The following ING3 variants were observed in gnomAD, a reference collection of about 807,000 sequenced individuals.
The protein encoded by ING3 is inhibitor of growth protein 3.
A neutral mutation model predicts 64.8 loss-of-function variants in ING3; 6 were observed. The observed-to-expected ratio is 0.09, with a 90% CI of 0.05 to 0.18. The LOEUF (loss-of-function observed/expected upper bound fraction) is 0.18, where lower values mean the gene tolerates loss of function less well. ING3 is among the 10% of genes least tolerant of loss of function. The pLI is 1.00. For synonymous variants in ING3, 170 were observed against 173.7 expected (o/e 0.98, Z 0.17); for missense variants, 310 against 489.7 (o/e 0.63, Z 3.46).
intron 6 of ING3, among the ~76,000 whole-genome samples, 162 bp downstream of exon 6, chr7:120,966,859 G>A (rs1796003328): frequency 6.6e-6 from 1 of 151,910 alleles, no homozygotes; most frequent in African/African-American, 2.4e-5. Context: ...CTTGGGGGGA[G>A]CATATGTGAT....
chr7:120,964,583 T>G (rs1419881605), intron 4 of ING3, among the ~76,000 whole-genome samples, 159 bp from the exon 5 acceptor site: 1 of 152,202 alleles, frequency 6.6e-6, no homozygotes, highest in Non-Finnish European at 1.5e-5. Context: ...AACACCCTCA[T>G]TTTATAGATT....
rs1355592454 is a variant in ING3, at chr7:120,950,794, C to A, written c.-103C>A. The A allele has an allele frequency of 2.2e-6, 1 of 462,118 alleles. No homozygotes were observed. Among genetic ancestry groups the A allele is most frequent in the Non-Finnish European group, 3.7e-6 (1 of 271,146 alleles). The allele number at this position is 462,118 out of a possible 1,614,324, so 28.6% of individuals were successfully genotyped here. A position where few individuals can be genotyped will look rare whatever the true frequency, so the allele number is the denominator to read the frequency against. On this transcript the variant is annotated 5_prime_UTR_variant, in exon 1 of 12. The change creates a new upstream start codon in the 5' untranslated region. Transcript: ENST00000315870. Reference sequence around the variant, plus strand: ...TTTTTTTGCCGGAGTCGAGCGGGTGCTGCTAGCGGAGGCGCCATATTGGAG... The same window carrying A: ...TTTTTTTGCCGGAGTCGAGCGGGTGATGCTAGCGGAGGCGCCATATTGGAG...
chr7:120,954,107 C>G (rs1795808123), intron 3 of ING3, among the ~76,000 whole-genome samples: 1 of 152,064 alleles, frequency 6.6e-6, no homozygotes. Flanking sequence ...CCTTCCTAAA[C>G]CCAATGTTCA....
At chr7:120,951,277 C>G in intron 2 of ING3, 42 bp downstream of exon 2, 2 of 1,581,624 alleles carry the variant, frequency 1.3e-6, no homozygotes, top group Non-Finnish European at 8.7e-7. Context: ...TGCGCGCGTT[C>G]AGTGCCAGAC....
rs746860231 is a variant in ING3 at position 120,973,199 on chromosome 7, A to G, written c.1102-6A>G. 8.0e-6 allele frequency: 12 copies of G among 1,493,546 alleles called. No individual in the cohort carries two copies. The highest frequency in any genetic ancestry group is 9.3e-6 in the Non-Finnish European group (10 of 1,073,518). The allele number at this position is 1,493,546 out of a possible 1,614,324, so 92.5% of individuals were successfully genotyped here. ...ATAATAAAGACATTTAATTTTTTTT[A>G]ACTAGGTATCTTATGGTGAGATGGT... On this transcript the variant is annotated splice_region_variant and splice_polypyrimidine_tract_variant and intron_variant, in intron 10 of 11. Transcript: ENST00000315870.
intron 4 of ING3, chr7:120,956,121 A>G (rs1390004681): frequency 7.2e-7 from 1 of 1,396,044 alleles, no homozygotes. Context: ...TTTAAGCAAT[A>G]CAAGATGACA....
intron 4 of ING3, chr7:120,956,771 T>C (rs1795854324): frequency 1.0e-5 from 10 of 974,016 alleles, no homozygotes; most frequent in Non-Finnish European, 1.1e-5. Flanking sequence ...GAATCTAGAC[T>C]AATTTGTTTA....
chr7:120,958,157 A>G (rs900527375), intron 4 of ING3, among the ~76,000 whole-genome samples: 2 of 131,396 alleles, frequency 1.5e-5, no homozygotes, highest in African/African-American at 5.8e-5. Flanking sequence ...TTCTTCCCCC[A>G]CCCTTTCTTT....
chr7:120,957,066 T>A (rs190372582), intron 4 of ING3: 312 of 194,804 alleles, frequency 1.6e-3, no homozygotes, highest in Non-Finnish European at 2.4e-3. Flanking sequence ...CTGGGTCTAA[T>A]GGAGGAATAA....
At chr7:120,966,767 T>A in intron 6 of ING3, 70 bp downstream of exon 6, 1 of 1,076,830 alleles carries the variant, frequency 9.3e-7, no homozygotes, top group Middle Eastern at 2.0e-4. Flanking sequence ...ATATGTTCTC[T>A]TTTTTTAACT....
chr7:120,951,727 T>C (rs1795768984), intron 2 of ING3, among the ~76,000 whole-genome samples: 1 of 152,214 alleles, frequency 6.6e-6, no homozygotes, highest in African/African-American at 2.4e-5. Flanking sequence ...AGTTACACAT[T>C]AGATACATTT....
chr7:120,974,558 T>A (rs1796110971), intron 11 of ING3, among the ~76,000 whole-genome samples, 170 bp from the exon 12 acceptor site: 1 of 152,200 alleles, frequency 6.6e-6, no homozygotes, highest in Non-Finnish European at 1.5e-5. Context: ...TTCCTGAAGC[T>A]TATCATTTAG....
intron 11 of ING3, among the ~76,000 whole-genome samples, 181 bp downstream of exon 11, chr7:120,973,424 C>G (rs999216896): frequency 2.0e-5 from 3 of 152,024 alleles, no homozygotes; most frequent in Non-Finnish European, 4.4e-5. Flanking sequence ...AATGTGTTCC[C>G]TATTTTAATT....
rs1796064387 is a variant in ING3 at position 120,971,045 on chromosome 7, A to C, written c.1101+165A>C. ...GTGACATTTGCTGTAAATACTGAGT[A>C]TAAAGAAAAATGTTACCCATAATCC... On this transcript the variant is annotated intron_variant, in intron 10 of 11. Transcript: ENST00000315870. 1.0e-5 allele frequency: 8 copies of C among 772,632 alleles called. No individual in the cohort carries two copies. In the East Asian group the frequency reaches 1.9e-4, roughly 18 times the overall value. The allele number at this position is 772,632 out of a possible 1,614,324, so 47.9% of individuals were successfully genotyped here.
At chr7:120,957,408 T>A (rs769266343) in intron 4 of ING3, among the ~76,000 whole-genome samples, 2 of 151,828 alleles carry the variant, frequency 1.3e-5, no homozygotes, top group Non-Finnish European at 2.9e-5. Flanking sequence ...AAATGGCTCT[T>A]GTCCTCAAGG....
rs796422136 is a variant in ING3 at position 120,961,875 on chromosome 7, G to A, written c.268-2867G>A. 6.6e-5 allele frequency among the ~76,000 whole-genome samples: 10 copies of A among 152,320 alleles called. 1 individual carries two copies. Among genetic ancestry groups the A allele is most frequent in the African/African-American group, 2.4e-4 (10 of 41,572 alleles). Reference sequence around the variant, plus strand: ...AAGAAATAATTAGACTCTGTGGTTAGCCCTGTTTTAGGAATCTGTGGCTAA... The same window carrying A: ...AAGAAATAATTAGACTCTGTGGTTAACCCTGTTTTAGGAATCTGTGGCTAA... On this transcript the variant is annotated intron_variant, in intron 4 of 11. Transcript: ENST00000315870.
intron 4 of ING3, among the ~76,000 whole-genome samples, chr7:120,962,599 C>T (rs1195444865): frequency 1.3e-5 from 2 of 151,852 alleles, no homozygotes; most frequent in Non-Finnish European, 2.9e-5. Flanking sequence ...TTTATCTCAC[C>T]CTAACACTAC....
chr7:120,956,764 TCTAGA>T (rs937203652), intron 4 of ING3: 5 of 975,754 alleles, frequency 5.1e-6, no homozygotes, highest in Non-Finnish European at 6.1e-6. Context: ...TACATTTGAA[TCTAGA>T]CTAATTTGTT....
In ING3 at chr7:120,957,840, G is replaced by A. The variant is rs1422370418; in HGVS notation, c.267+2216G>A. Among the ~76,000 whole-genome samples the A allele has an allele frequency of 2.6e-5, 4 of 152,140 alleles. No individual in the cohort carries two copies. In the East Asian group the frequency reaches 5.8e-4, roughly 22 times the overall value. On this transcript the variant is annotated intron_variant, in intron 4 of 11. Coordinates refer to ENST00000315870, the MANE Select transcript of ING3 (RefSeq NM_019071.3). ...CATGCAGATGTGAGTTCAAACCCTA[G>A]CTCAGCCATTTCACTGACACCATGA...
Sources: gnomAD v4.1 joint callset for allele counts (sites outside exome capture counted in the v4.1 genomes callset) on GRCh38, gnomAD v4.1.1 for gene constraint, MANE v1.5 for transcripts, NCBI Gene and HGNC (gene_info 2026-07-23, HGNC 2026-07-21) for gene names.